Variants in CTNNA3 observed in about 807,000 individuals in gnomAD.
CTNNA3 encodes catenin alpha 3, also known as catenin alpha-3.
In CTNNA3, 76 loss-of-function variants were observed where a neutral mutation model predicts 95.7. The observed-to-expected ratio is 0.79, with a 90% CI of 0.66 to 0.96. The LOEUF (loss-of-function observed/expected upper bound fraction) is 0.96, where lower values mean the gene tolerates loss of function less well. Ranked by LOEUF, CTNNA3 falls within the 40% of genes least tolerant of loss-of-function variation. The pLI is 0.00. For synonymous variants in CTNNA3, 431 were observed against 374.4 expected (o/e 1.15, Z -1.74); for missense variants, 1,191 against 1,089.8 (o/e 1.09, Z -1.31).
rs375614475 is a variant in CTNNA3, at chr10:66,549,657, A to T, written c.1375-28884T>A. Among the ~76,000 whole-genome samples the T allele has an allele frequency of 9.8e-5, 15 of 152,312 alleles. 1 individual carries two copies. The East Asian group carries it at 2.9e-3, about 29-fold the overall frequency. ...GCTAAGCATTACCTTAGCTTTTCCT[A>T]CAAATTGTAATATTTTATATTTTCC... On this transcript the variant is annotated intron_variant, in intron 10 of 17. Coordinates refer to ENST00000433211, the MANE Select transcript of CTNNA3 (RefSeq NM_013266.4).
At chr10:67,503,177 T>C (rs1334385367) in intron 5 of CTNNA3, among the ~76,000 whole-genome samples, 1 of 152,210 alleles carries the variant, frequency 6.6e-6, no homozygotes, top group Admixed American at 6.5e-5. Context: ...GAATGCACCG[T>C]TCCTCACAGC....
chr10:66,829,854 T>TTGGTTGTTGTTG (rs1842650574), intron 7 of CTNNA3, among the ~76,000 whole-genome samples: 1 of 148,256 alleles, frequency 6.7e-6, no homozygotes, highest in Admixed American at 6.8e-5. Flanking sequence ...CCCCAGGGGA[T>TTGGTTGTTGTTG]TTGTTGTTGT....
intron 2 of CTNNA3, among the ~76,000 whole-genome samples, chr10:67,626,180 C>CAAAAA (rs59942742): frequency 7.9e-6 from 1 of 127,046 alleles, no homozygotes; most frequent in African/African-American, 2.6e-5. Flanking sequence ...AACCCTGTCT[C>CAAAAA]AAAAAAAAAA....
rs1456885520 is a variant in CTNNA3, at chr10:65,912,648, C to A, written c.*7682G>T. ...AATAAAGTAAAATAATACTATATAA[C>A]CAAAACAAACCCAGTGTTACATATG... On this transcript the variant is annotated 3_prime_UTR_variant, in exon 18 of 18. Transcript: ENST00000433211. 2.0e-4 allele frequency: 30 copies of A among 151,852 alleles called. No homozygotes were observed. Among genetic ancestry groups the A allele is most frequent in the Admixed American group, 2.0e-3 (30 of 15,236 alleles). 9.4% of individuals were successfully genotyped at this position (151,852 alleles called of 1,614,324 possible).
At chr10:67,486,168 C>T (rs1180460043) in intron 5 of CTNNA3, among the ~76,000 whole-genome samples, 1 of 152,144 alleles carries the variant, frequency 6.6e-6, no homozygotes, top group Non-Finnish European at 1.5e-5. Context: ...ATTTTTGAGA[C>T]TGTCCATGCC....
intron 6 of CTNNA3, among the ~76,000 whole-genome samples, chr10:67,185,597 T>A (rs1450815218): frequency 6.6e-6 from 1 of 152,202 alleles, no homozygotes; most frequent in Non-Finnish European, 1.5e-5. Flanking sequence ...ATCCCTACAA[T>A]GGGGCTGGCC....
chr10:66,010,060 T>G (rs1407071344), intron 15 of CTNNA3, among the ~76,000 whole-genome samples: 1 of 152,244 alleles, frequency 6.6e-6, no homozygotes, highest in African/African-American at 2.4e-5. Flanking sequence ...TATTCATTTT[T>G]TTGAAGGTTC....
chr10:66,519,704 C>A (rs181898340), intron 11 of CTNNA3, among the ~76,000 whole-genome samples: 9 of 152,206 alleles, frequency 5.9e-5, no homozygotes, highest in East Asian at 1.9e-4. Context: ...CTAGACTGAA[C>A]CTTTGTTCAT....
chr10:66,987,767 T>C (rs1850815611), intron 7 of CTNNA3, among the ~76,000 whole-genome samples: 2 of 152,214 alleles, frequency 1.3e-5, no homozygotes, highest in African/African-American at 4.8e-5. Flanking sequence ...TTTCTGTGAA[T>C]TTAGCTCATG....
chr10:67,611,010 C>T (rs768496105), intron 2 of CTNNA3, among the ~76,000 whole-genome samples: 11 of 152,154 alleles, frequency 7.2e-5, no homozygotes, highest in Non-Finnish European at 1.2e-4. Flanking sequence ...CAGGAAGGAA[C>T]TTCCATGGGA....
intron 12 of CTNNA3, among the ~76,000 whole-genome samples, chr10:66,310,399 CA>C (rs1464539364): frequency 3.3e-5 from 5 of 152,234 alleles, no homozygotes; most frequent in African/African-American, 1.2e-4. Flanking sequence ...AAATTTAGTT[CA>C]GTACCCCACG....
intron 9 of CTNNA3, among the ~76,000 whole-genome samples, chr10:66,644,083 C>T (rs544525288): frequency 2.2e-4 from 33 of 151,866 alleles, no homozygotes; most frequent in African/African-American, 7.5e-4. Context: ...TATGACAAGC[C>T]CCCGTCTCTG....
chr10:66,808,906 G>T (rs7902916), intron 7 of CTNNA3, among the ~76,000 whole-genome samples: 18,927 of 152,144 alleles, frequency 0.12, 1,752 homozygotes, highest in African/African-American at 0.26. Context: ...ACTTTAAAAT[G>T]AATCTTCAAG....
Position 67,708,840 on chromosome 10 carries a change from C to T in CTNNA3, c.-2+54594G>A, listed in dbSNP as rs1025233461. On this transcript the variant is annotated intron_variant, in intron 1 of 17. Transcript: ENST00000684154. ...TTCCTGTATGAATTTACATAGTCCT[C>T]GAACCCATCAGAACTTATACTCTCT... Among the ~76,000 whole-genome samples the T allele has an allele frequency of 2.6e-5, 4 of 152,122 alleles. No homozygotes were observed. In the East Asian group the frequency reaches 5.8e-4, roughly 22 times the overall value.
intron 9 of CTNNA3, among the ~76,000 whole-genome samples, chr10:66,743,332 CA>C (rs1483064438): frequency 6.6e-6 from 1 of 152,134 alleles, no homozygotes; most frequent in African/African-American, 2.4e-5. Flanking sequence ...AAAGATCGTA[CA>C]AATTTACCCT....
chr10:66,262,840 A>T (rs1186274939), intron 13 of CTNNA3, among the ~76,000 whole-genome samples: 1 of 151,930 alleles, frequency 6.6e-6, no homozygotes, highest in Non-Finnish European at 1.5e-5. Flanking sequence ...TATTTTATGT[A>T]TATAAGGTTT....
intron 12 of CTNNA3, among the ~76,000 whole-genome samples, chr10:66,287,196 G>A (rs1376726068): frequency 2.6e-5 from 4 of 152,050 alleles, no homozygotes. Context: ...TTGGAAGGCT[G>A]AAGCAAGAGG....
intron 7 of CTNNA3, among the ~76,000 whole-genome samples, chr10:67,069,713 A>C (rs1856330391): frequency 6.6e-6 from 1 of 152,094 alleles, no homozygotes; most frequent in Non-Finnish European, 1.5e-5. Flanking sequence ...GTCTCACTCA[A>C]CATTATGTTT....
At chr10:67,454,734 G>A (rs1362335772) in intron 5 of CTNNA3, among the ~76,000 whole-genome samples, 1 of 151,906 alleles carries the variant, frequency 6.6e-6, no homozygotes, top group African/African-American at 2.4e-5. Context: ...CAATGTATAA[G>A]AAAATGAGCC....
Sources: gnomAD v4.1 joint callset for allele counts (sites outside exome capture counted in the v4.1 genomes callset) on GRCh38, gnomAD v4.1.1 for gene constraint, MANE v1.5 for transcripts, NCBI Gene and HGNC (gene_info 2026-07-23, HGNC 2026-07-21) for gene names.